FAM151B: variants seen among roughly 807,000 people sequenced by gnomAD.
FAM151B encodes protein FAM151B.
FAM151B carries 24 observed loss-of-function variants against 31.2 expected under a neutral mutation model. The observed-to-expected ratio is 0.77, with a 90% CI of 0.56 to 1.08. The LOEUF (loss-of-function observed/expected upper bound fraction) is 1.08. Ranked by LOEUF, FAM151B falls within the 50% of genes least tolerant of loss-of-function variation. The pLI is 0.00. For missense variants in FAM151B, 293 were observed against 328.6 expected (o/e 0.89, Z 0.84); for synonymous variants, 105 against 111.4 (o/e 0.94, Z 0.36).
chr5:80,500,565 G>T (rs1282279985), intron 1 of FAM151B: 1 of 755,420 alleles, frequency 1.3e-6, no homozygotes, highest in Non-Finnish European at 2.4e-6. Context: ...AGAAAAGCTG[G>T]CAACTTCTGT....
chr5:80,538,513 TTTCC>T (rs60106370), intron 5 of FAM151B, among the ~76,000 whole-genome samples: 6,143 of 61,174 alleles, frequency 0.1, 471 homozygotes, highest in East Asian at 0.17. Context: ...CTTTTCTTTC[TTTCC>T]TTCCTTCCTT....
chr5:80,494,105 T>G (rs1475339022), intron 1 of FAM151B, among the ~76,000 whole-genome samples: 2 of 152,328 alleles, frequency 1.3e-5, no homozygotes, highest in East Asian at 3.9e-4. Flanking sequence ...TGGGGGCTGG[T>G]TCCCCCGATA....
At chr5:80,526,624 A>C in intron 5 of FAM151B, among the ~76,000 whole-genome samples, 1 of 152,162 alleles carries the variant, frequency 6.6e-6, no homozygotes, top group Non-Finnish European at 1.5e-5. Context: ...CGTCTAAAAA[A>C]AAATAGTCTT....
intron 1 of FAM151B, among the ~76,000 whole-genome samples, chr5:80,490,900 T>C (rs899659421): frequency 6.6e-6 from 1 of 152,368 alleles, no homozygotes; most frequent in Admixed American, 6.5e-5. Flanking sequence ...TGTGGACATA[T>C]GGTACATTGT....
chr5:80,538,536 C>T (rs544693748), intron 5 of FAM151B, among the ~76,000 whole-genome samples: 1 of 128,834 alleles, frequency 7.8e-6, no homozygotes, highest in African/African-American at 3.1e-5. Flanking sequence ...TTCCTTCCTT[C>T]CTTCCTTCCT....
intron 5 of FAM151B, among the ~76,000 whole-genome samples, chr5:80,539,990 A>C (rs1270763623): frequency 6.6e-6 from 1 of 152,006 alleles, no homozygotes. Context: ...CATTATCCCT[A>C]AGTACTCCAG....
At chr5:80,520,086 A>G (rs548785747) in intron 4 of FAM151B, among the ~76,000 whole-genome samples, 176 bp downstream of exon 4, 1 of 152,302 alleles carries the variant, frequency 6.6e-6, no homozygotes, top group South Asian at 2.1e-4. Context: ...GATAGATGCC[A>G]TGTTCACTGG....
rs559463818 is a variant in FAM151B, at chr5:80,535,998, T to C, written c.672-5675T>C. Among the ~76,000 whole-genome samples the C allele has an allele frequency of 4.5e-4, 68 of 152,266 alleles. No individual in the cohort carries two copies. The South Asian group carries it at 4.6e-3, about 10-fold the overall frequency. On this transcript the variant is annotated intron_variant, in intron 5 of 5. Coordinates refer to ENST00000282226, the MANE Select transcript of FAM151B (RefSeq NM_205548.3). ...GCATATGAAAAGTTGCTCAACATCA[T>C]TGATTATCAGGGAAATGCAAATCAA...
At chr5:80,490,019 TACACACACACACACAC>T (rs71601587) in intron 1 of FAM151B, among the ~76,000 whole-genome samples, 4 of 144,596 alleles carry the variant, frequency 2.8e-5, no homozygotes, top group South Asian at 2.2e-4. Flanking sequence ...TTTTCCCCCT[TACACACACACACACAC>T]ACACACACAC....
At chr5:80,540,004 A>T (rs1745804592) in intron 5 of FAM151B, among the ~76,000 whole-genome samples, 1 of 152,066 alleles carries the variant, frequency 6.6e-6, no homozygotes. Flanking sequence ...ACTCCAGAGG[A>T]TACCGCCCCA....
At chr5:80,489,822 G>A (rs1420646744) in intron 1 of FAM151B, among the ~76,000 whole-genome samples, 1 of 152,020 alleles carries the variant, frequency 6.6e-6, no homozygotes, top group Admixed American at 6.6e-5. Context: ...TACTAAGGAG[G>A]CTGAGGCAGC....
rs749921216 is a variant in FAM151B at position 80,541,830 on chromosome 5, TAAG to T, written c.*6_*8del. 16 of 1,610,302 alleles carry T rather than the reference TAAG, an allele frequency of 9.9e-6. No individual in the cohort carries two copies. The East Asian group carries it at 1.3e-4, about 13-fold the overall frequency. ...AGCCATTGGAATCAAAGTTAATCTC[TAAG>T]AAGAAGATTCTCAATTATTTCCTGT... On this transcript the variant is annotated stop_retained_variant and 3_prime_UTR_variant, in exon 6 of 6. Transcript: ENST00000282226.
chr5:80,503,007 T>A (rs1580418260), intron 2 of FAM151B, among the ~76,000 whole-genome samples: 1 of 152,286 alleles, frequency 6.6e-6, no homozygotes, highest in East Asian at 1.9e-4. Context: ...GAGTACAGGG[T>A]TTCTTTTTTG....
intron 5 of FAM151B, among the ~76,000 whole-genome samples, chr5:80,537,959 G>A (rs1745597988): frequency 6.6e-6 from 1 of 151,988 alleles, no homozygotes; most frequent in Admixed American, 6.5e-5. Context: ...CATCTACCCA[G>A]TCTTCCTGCC....
In FAM151B at chr5:80,498,526, A is replaced by G. The variant is rs1028085686; in HGVS notation, c.26-3266A>G. 5.1e-6 allele frequency: 5 copies of G among 975,838 alleles called. No homozygotes were observed. The East Asian group carries it at 1.0e-4, about 20-fold the overall frequency. 60.4% of individuals were successfully genotyped at this position (975,838 alleles called of 1,614,324 possible). A position where few individuals can be genotyped will look rare whatever the true frequency, so the allele number is the denominator to read the frequency against. ...GCTCATGTCTTTTATTAACTCATAG[A>G]CAATTACTTGTCTTCTGGTTTGTTG... On this transcript the variant is annotated intron_variant, in intron 1 of 5. Coordinates refer to ENST00000282226, the MANE Select transcript of FAM151B (RefSeq NM_205548.3).
At chr5:80,539,270 A>T (rs1358071172) in intron 5 of FAM151B, among the ~76,000 whole-genome samples, 1 of 151,776 alleles carries the variant, frequency 6.6e-6, no homozygotes, top group Non-Finnish European at 1.5e-5. Flanking sequence ...TTTCCTTTTT[A>T]AATGTTCATG....
At position 80,536,074 on chromosome 5, in the gene FAM151B, A is replaced by C. The variant is rs557024312; in HGVS notation, c.672-5599A>C. Among the ~76,000 whole-genome samples, 374 of 152,340 alleles carry C rather than the reference A, an allele frequency of 2.5e-3. 2 individuals are homozygous for C. The highest frequency in any genetic ancestry group is 7.6e-3 in the African/African-American group (315 of 41,566). On this transcript the variant is annotated intron_variant, in intron 5 of 5. Coordinates refer to ENST00000282226, the MANE Select transcript of FAM151B (RefSeq NM_205548.3). The stretch of plus-strand genomic sequence containing the variant: ...CCAATTAAAATGGCTTTTATCCAAA[A>C]GACAGGCAGTAAATGCTAGCAAGGA...
intron 1 of FAM151B, among the ~76,000 whole-genome samples, chr5:80,494,445 TTC>T (rs1743430892): frequency 2.1e-5 from 1 of 47,260 alleles, no homozygotes; most frequent in African/African-American, 4.9e-5. Flanking sequence ...TTCTTTCTTT[TTC>T]TTTCTTTCTT....
At chr5:80,490,208 G>A (rs1329719848) in intron 1 of FAM151B, among the ~76,000 whole-genome samples, 1 of 151,940 alleles carries the variant, frequency 6.6e-6, no homozygotes, top group African/African-American at 2.4e-5. Flanking sequence ...GCAACACAGG[G>A]AGGCCTTATC....
Sources: gnomAD v4.1 joint callset for allele counts (sites outside exome capture counted in the v4.1 genomes callset) on GRCh38, gnomAD v4.1.1 for gene constraint, MANE v1.5 for transcripts, NCBI Gene and HGNC (gene_info 2026-07-23, HGNC 2026-07-21) for gene names.